Variants in EDC3 observed in about 807,000 individuals in gnomAD.
EDC3 encodes enhancer of mRNA-decapping protein 3.
In EDC3, 20 loss-of-function variants were observed where a neutral mutation model predicts 41.8. The observed-to-expected ratio is 0.48, with a 90% CI of 0.34 to 0.70. The LOEUF (loss-of-function observed/expected upper bound fraction) is 0.70, where lower values mean the gene tolerates loss of function less well. Among genes scored for constraint, EDC3 ranks in the 30% least tolerant of loss-of-function variants. EDC3 has a pLI of 0.01. For missense variants in EDC3, 444 were observed against 636.8 expected (o/e 0.70, Z 3.26); for synonymous variants, 206 against 243.2 (o/e 0.85, Z 1.42).
intron 4 of EDC3, chr15:74,641,871 AATG>A (rs370483954): frequency 7.2e-5 from 11 of 152,912 alleles, no homozygotes; most frequent in African/African-American, 2.6e-4. Flanking sequence ...CAGACATATA[AATG>A]ATGCAAACCT....
chr15:74,690,868 G>A (rs1379564938), intron 1 of EDC3, among the ~76,000 whole-genome samples: 2 of 151,988 alleles, frequency 1.3e-5, no homozygotes, highest in Admixed American at 6.6e-5. Flanking sequence ...AAGGCAGCAC[G>A]GTGAAAAGAG....
intron 2 of EDC3, 122 bp downstream of exon 2, chr15:74,674,839 A>G: frequency 8.6e-7 from 1 of 1,159,658 alleles, no homozygotes; most frequent in Non-Finnish European, 1.2e-6. Flanking sequence ...ACACAGTGAA[A>G]CCCCATCTCT....
chr15:74,674,084 T>C (rs1418803418), intron 2 of EDC3, among the ~76,000 whole-genome samples: 1 of 152,166 alleles, frequency 6.6e-6, no homozygotes, highest in South Asian at 2.1e-4. Context: ...TACTGTACTT[T>C]AAAAGATAGG....
intron 3 of EDC3, among the ~76,000 whole-genome samples, chr15:74,662,031 T>C (rs1030872432): frequency 6.6e-6 from 1 of 152,232 alleles, no homozygotes; most frequent in Non-Finnish European, 1.5e-5. Flanking sequence ...ATTCTTCAAA[T>C]ACTGTATCTT....
chr15:74,668,725 T>TGAAAGAAAGAAAGAAAGAAA (rs1180905042), intron 3 of EDC3, among the ~76,000 whole-genome samples: 6 of 58,442 alleles, frequency 1.0e-4, no homozygotes, highest in East Asian at 9.4e-4. Flanking sequence ...GTCTCAAAAA[T>TGAAAGAAAGAAAGAAAGAAA]GAATGAAAGA....
At chr15:74,675,700 G>A (rs2141658391) in intron 1 of EDC3, among the ~76,000 whole-genome samples, 1 of 151,092 alleles carries the variant, frequency 6.6e-6, no homozygotes, top group Non-Finnish European at 1.5e-5. Context: ...CTAACACGGT[G>A]AAACCCCGTC....
At chr15:74,679,831 G>A (rs2062850040) in intron 1 of EDC3, 1 of 151,700 alleles carries the variant, frequency 6.6e-6, no homozygotes, top group South Asian at 2.1e-4. Flanking sequence ...GGAGCCTGAG[G>A]CAGGAAGGGA....
intron 1 of EDC3, among the ~76,000 whole-genome samples, chr15:74,686,770 A>G (rs539621831): frequency 1.3e-5 from 2 of 152,266 alleles, no homozygotes; most frequent in South Asian, 2.1e-4. Context: ...CAAGAGCAAG[A>G]CTTTGTCTCA....
chr15:74,695,076 A>G lies in EDC3; in HGVS notation c.-19+804T>C, dbSNP rs568963921. 2.0e-5 allele frequency among the ~76,000 whole-genome samples: 3 copies of G among 152,274 alleles called. No homozygotes were observed. The East Asian group carries it at 5.8e-4, about 29-fold the overall frequency. On this transcript the variant is annotated intron_variant, in intron 1 of 6. Coordinates refer to ENST00000315127, the MANE Select transcript of EDC3 (RefSeq NM_025083.5). ...GACCTGTATTTGAGACAGCAGACTG[A>G]AATCGGTTTGGTCTGTGGCGAAGGA...
chr15:74,658,688 C>T (rs1408862955), intron 3 of EDC3, among the ~76,000 whole-genome samples: 3 of 145,918 alleles, frequency 2.1e-5, no homozygotes, highest in African/African-American at 7.6e-5. Context: ...TGCCTGTAAT[C>T]CCAGCACTTT....
rs180802638 is a variant in EDC3, at chr15:74,649,222, G to A, written c.820+6511C>T. Among the ~76,000 whole-genome samples, 68 of 151,486 alleles carry A rather than the reference G, an allele frequency of 4.5e-4. 1 individual carries two copies. Among genetic ancestry groups the A allele is most frequent in the African/African-American group, 1.4e-3 (59 of 41,270 alleles). On this transcript the variant is annotated intron_variant, in intron 4 of 6. Transcript: ENST00000315127. Reference sequence around the variant, plus strand: ...TGGGACTACAGGCACCTGCCACCACGCCCGGCTAATTTTTTTTTTGTTATT... The same window carrying A: ...TGGGACTACAGGCACCTGCCACCACACCCGGCTAATTTTTTTTTTGTTATT...
At chr15:74,649,769 A>G (rs1596308734) in intron 4 of EDC3, among the ~76,000 whole-genome samples, 1 of 151,760 alleles carries the variant, frequency 6.6e-6, no homozygotes, top group Non-Finnish European at 1.5e-5. Context: ...TTAATAACCA[A>G]TAACTCCCAC....
At chr15:74,639,136 T>C (rs1272821154) in intron 5 of EDC3, 1 of 152,268 alleles carries the variant, frequency 6.6e-6, no homozygotes, top group Non-Finnish European at 1.5e-5. Context: ...ACTTGGGCCC[T>C]GGCTCAGTTT....
intron 1 of EDC3, among the ~76,000 whole-genome samples, chr15:74,687,970 A>G (rs2062958004): frequency 6.6e-6 from 1 of 152,236 alleles, no homozygotes; most frequent in Non-Finnish European, 1.5e-5. Context: ...TTATGGTAGT[A>G]GTAACTGAAT....
intron 1 of EDC3, among the ~76,000 whole-genome samples, chr15:74,692,507 T>C (rs1257774959): frequency 6.6e-6 from 1 of 152,186 alleles, no homozygotes; most frequent in Non-Finnish European, 1.5e-5. Flanking sequence ...CAATTCATTT[T>C]ATGAGGTCAT....
Position 74,632,346 on chromosome 15 carries a change from C to T in EDC3, c.*266G>A. 1.9e-6 allele frequency: 1 copy of T among 519,834 alleles called. No individual in the cohort carries two copies. The highest frequency in any genetic ancestry group is 3.5e-6 in the Non-Finnish European group (1 of 287,806). The allele number at this position is 519,834 out of a possible 1,614,324, so 32.2% of individuals were successfully genotyped here. ...AGCTGCCTACGGCTGTAAACAAAGG[C>T]CCACCTGGCCGTGCAGGGGGCTGAG... On this transcript the variant is annotated 3_prime_UTR_variant, in exon 7 of 7. Coordinates refer to ENST00000315127, the MANE Select transcript of EDC3 (RefSeq NM_025083.5). This position sits in a 1 kb window ranked among gnomAD's most constrained non-coding sequence, Gnocchi z 4.0.
chr15:74,695,658 A>G (rs1375558131), intron 1 of EDC3: 1 of 152,470 alleles, frequency 6.6e-6, no homozygotes, highest in Non-Finnish European at 1.5e-5. Context: ...CACAATCCCC[A>G]TACTATTTAG....
intron 3 of EDC3, among the ~76,000 whole-genome samples, chr15:74,667,434 G>C (rs1299437141): frequency 1.4e-5 from 2 of 145,708 alleles, no homozygotes; most frequent in African/African-American, 5.1e-5. Flanking sequence ...GAAAGGAGAA[G>C]GGGGGAGGAG....
Position 74,667,589 on chromosome 15 carries a change from A to T in EDC3, c.484+3866T>A, listed in dbSNP as rs115919570. Among the ~76,000 whole-genome samples, 498 of 152,158 alleles carry T rather than the reference A, an allele frequency of 3.3e-3. 3 individuals carry two copies. The highest frequency in any genetic ancestry group is 0.011 in the African/African-American group (467 of 41,504). Reference sequence around the variant, plus strand: ...GTACCTAAGTACTAAAAAAAAAAAAAAATAAAATCCACAATGATTGGAGTA... The same window carrying T: ...GTACCTAAGTACTAAAAAAAAAAAATAATAAAATCCACAATGATTGGAGTA... On this transcript the variant is annotated intron_variant, in intron 3 of 6. Coordinates refer to ENST00000315127, the MANE Select transcript of EDC3 (RefSeq NM_025083.5).
Sources: gnomAD v4.1 joint callset for allele counts (sites outside exome capture counted in the v4.1 genomes callset) on GRCh38, gnomAD v4.1.1 for gene constraint, Gnocchi (gnomAD v3.1) non-coding constraint, MANE v1.5 for transcripts, NCBI Gene and HGNC (gene_info 2026-07-23, HGNC 2026-07-21) for gene names.